Variants in CDH7 observed in about 807,000 individuals in gnomAD.
The protein encoded by CDH7 is cadherin 7, also known as cadherin-7.
CDH7 carries 25 observed loss-of-function variants against 71.8 expected under a neutral mutation model. The ratio of observed to expected loss-of-function variants is 0.35; its 90% CI spans 0.25 to 0.49. The LOEUF is 0.49. Ranked by LOEUF, CDH7 falls within the 20% of genes least tolerant of loss-of-function variation. The pLI is 0.99. For synonymous variants in CDH7, 381 were observed against 363.8 expected, an observed-to-expected ratio of 1.05 and a Z score of -0.54; for missense variants, 862 against 974.6, an observed-to-expected ratio of 0.88 and a Z score of 1.54.
chr18:65,837,311 G>C (rs1568212108), intron 6 of CDH7, among the ~76,000 whole-genome samples: 1 of 152,168 alleles, frequency 6.6e-6, no homozygotes, highest in Non-Finnish European at 1.5e-5. Flanking sequence ...AAAGCAAAGG[G>C]CTGCAGAGTT....
chr18:65,769,279 A>G (rs1481407797), intron 2 of CDH7, among the ~76,000 whole-genome samples: 1 of 152,200 alleles, frequency 6.6e-6, no homozygotes, highest in Non-Finnish European at 1.5e-5. Context: ...CTATACTGAG[A>G]GAAGCTTTAT....
In CDH7 at chr18:65,883,894, T is replaced by C. The variant is rs936158397; in HGVS notation, c.*3000T>C. The C allele has an allele frequency of 7.9e-5, 12 of 152,118 alleles. No homozygotes were observed. The highest frequency in any genetic ancestry group is 2.9e-4 in the African/African-American group (12 of 41,446). The allele number at this position is 152,118 out of a possible 1,614,324, so 9.4% of individuals were successfully genotyped here. A position where few individuals can be genotyped will look rare whatever the true frequency, so the allele number is the denominator to read the frequency against. ...GAAGTGAAATCCTTGGAGCTACTTG[T>C]AGACAGGGAGAGGAGTCACTTCTTT... On this transcript the variant is annotated 3_prime_UTR_variant, in exon 12 of 12. Transcript: ENST00000397968.
At chr18:65,850,229 A>G (rs1184415837) in intron 7 of CDH7, among the ~76,000 whole-genome samples, 5 of 149,170 alleles carry the variant, frequency 3.4e-5, no homozygotes, top group African/African-American at 1.2e-4. Flanking sequence ...ATAAAGGAAT[A>G]CAAAAATTCA....
intron 2 of CDH7, among the ~76,000 whole-genome samples, chr18:65,802,537 T>G (rs956163819): frequency 2.0e-5 from 3 of 152,208 alleles, no homozygotes; most frequent in Non-Finnish European, 4.4e-5. Context: ...AGTTCTTCTT[T>G]TGATAAAGAG....
chr18:65,876,825 C>G (rs555726496), intron 11 of CDH7, among the ~76,000 whole-genome samples: 3 of 152,318 alleles, frequency 2.0e-5, no homozygotes, highest in Non-Finnish European at 4.4e-5. Flanking sequence ...ATACCTAATG[C>G]ATATAATAAA....
At chr18:65,862,433 TTATAAC>T (rs1913597197) in intron 10 of CDH7, among the ~76,000 whole-genome samples, 1 of 152,210 alleles carries the variant, frequency 6.6e-6, no homozygotes, top group Admixed American at 6.5e-5. Context: ...TTGTTTTACT[TTATAAC>T]TATTTCTTTT....
At chr18:65,777,785 G>A (rs1392598568) in intron 2 of CDH7, among the ~76,000 whole-genome samples, 1 of 152,100 alleles carries the variant, frequency 6.6e-6, no homozygotes. Context: ...GTTTGTTGCA[G>A]TGTCTCCTTA....
intron 2 of CDH7, among the ~76,000 whole-genome samples, chr18:65,772,328 A>T (rs1320212950): frequency 2.0e-5 from 3 of 152,196 alleles, no homozygotes; most frequent in Non-Finnish European, 4.4e-5. Context: ...AAGAAATAAG[A>T]TAAAAATCGG....
In CDH7 at chr18:65,858,938, A is replaced by G; in HGVS notation, c.1386A>G (p.Gln462=). 1 of 1,612,282 alleles carries G rather than the reference A, an allele frequency of 6.2e-7. No homozygotes were observed. Among genetic ancestry groups the G allele is most frequent in the South Asian group, 1.1e-5 (1 of 91,042 alleles). ...CTTATTTATTAGAGAATCCATCTCA[A>G]GTAGGAAGAGGCTATGTGGCCATCA... ...VLAMESQNPS[Q]VGRGYVAITI... is the part of the protein sequence containing the mutation. Residue 462 remains glutamine, a synonymous_variant, in exon 9 of 12, where the codon CAA becomes CAG. Transcript: ENST00000397968.
intron 1 of CDH7, among the ~76,000 whole-genome samples, chr18:65,762,078 A>T (rs1234733696): frequency 6.6e-6 from 1 of 152,208 alleles, no homozygotes; most frequent in Non-Finnish European, 1.5e-5. Flanking sequence ...TCAGCTGACC[A>T]CAATCAAATC....
rs1914341625 is a variant in CDH7, at chr18:65,885,370, G to GTGTTTTTTTTCTTTT, written c.*4486_*4487insCTTTTTGTTTTTTTT. The GTGTTTTTTTTCTTTT allele has an allele frequency of 9.4e-5, 2 of 21,330 alleles. 1 individual carries two copies. The highest frequency in any genetic ancestry group is 4.3e-4 in the Non-Finnish European group (2 of 4,614). 1.3% of individuals were successfully genotyped at this position (21,330 alleles called of 1,614,324 possible). A position where few individuals can be genotyped will look rare whatever the true frequency, so the allele number is the denominator to read the frequency against. ...ATGTAACTGAAAAGGATGTGTGCCT[G>GTGTTTTTTTTCTTTT]TGTTTTTTTTTTTTTTTTTTTTTTT... On this transcript the variant is annotated 3_prime_UTR_variant, in exon 12 of 12. Transcript: ENST00000397968.
chr18:65,798,911 C>T (rs1599014032), intron 2 of CDH7, among the ~76,000 whole-genome samples: 1 of 152,004 alleles, frequency 6.6e-6, no homozygotes, highest in Non-Finnish European at 1.5e-5. Context: ...CGTGACGTGC[C>T]CTAGAGTCAG....
At position 65,763,179 on chromosome 18, in the gene CDH7, C is replaced by A. The variant is rs1169549924; in HGVS notation, c.210+127C>A. On this transcript the variant is annotated intron_variant, in intron 2 of 11. Coordinates refer to ENST00000397968, the MANE Select transcript of CDH7 (RefSeq NM_004361.5). ...GGATGGTAAACACAAGACATCATTT[C>A]TATGAAAGAGTTTATGAAGGTTTTT... 4 of 507,408 alleles carry A rather than the reference C, an allele frequency of 7.9e-6. No homozygotes were observed. In the African/African-American group the frequency reaches 8.0e-5, roughly 10 times the overall value. 31.4% of individuals were successfully genotyped at this position (507,408 alleles called of 1,614,324 possible). A position where few individuals can be genotyped will look rare whatever the true frequency, so the allele number is the denominator to read the frequency against.
chr18:65,793,990 T>C (rs1363569799), intron 2 of CDH7, among the ~76,000 whole-genome samples: 2 of 152,224 alleles, frequency 1.3e-5, no homozygotes, highest in South Asian at 4.2e-4. Flanking sequence ...TTGCAAAGCC[T>C]GGTGCATTCC....
At chr18:65,793,308 G>C (rs1260000806) in intron 2 of CDH7, among the ~76,000 whole-genome samples, 1 of 151,334 alleles carries the variant, frequency 6.6e-6, no homozygotes, top group African/African-American at 2.4e-5. Context: ...TGTCACGTGT[G>C]TGTCATTTCA....
rs762166617 is a variant in CDH7, at chr18:65,880,422, C to G, written c.1886C>G (p.Thr629Ser). Reference protein sequence around the residue: ...TLLVLILLIVTMRRRKKEPLI... With the variant: ...TLLVLILLIVSMRRRKKEPLI... ...TCAGTGTTGATCCTCCTTATCGTCA[C>G]TATGAGAAGACGGAAAAAAGAGCCC... Residue 629 changes from threonine to serine, a missense_variant, in exon 12 of 12, where the codon ACT becomes AGT. Physicochemically the swap from Thr to Ser is moderately conservative, Grantham distance 58. Coordinates refer to ENST00000397968, the MANE Select transcript of CDH7 (RefSeq NM_004361.5). 7.1e-6 allele frequency: 11 copies of G among 1,550,236 alleles called. No homozygotes were observed. The African/African-American group carries it at 1.4e-4, about 20-fold the overall frequency.
intron 1 of CDH7, among the ~76,000 whole-genome samples, chr18:65,757,778 C>CAT (rs34101205): frequency 0.23 from 32,915 of 141,916 alleles, 3,717 homozygotes; most frequent in South Asian, 0.37. Flanking sequence ...ACTGTATATC[C>CAT]ATATATATAT....
intron 2 of CDH7, among the ~76,000 whole-genome samples, chr18:65,802,733 G>C (rs534762871): frequency 6.6e-6 from 1 of 152,332 alleles, no homozygotes; most frequent in East Asian, 1.9e-4. Flanking sequence ...ACTGTAGGCA[G>C]ATTTCTTAAG....
intron 2 of CDH7, among the ~76,000 whole-genome samples, chr18:65,794,363 G>A (rs1910829457): frequency 6.6e-6 from 1 of 152,020 alleles, no homozygotes; most frequent in African/African-American, 2.4e-5. Flanking sequence ...GTAATACTAT[G>A]GATTAGAGAT....
Sources: gnomAD v4.1 joint callset for allele counts (sites outside exome capture counted in the v4.1 genomes callset) on GRCh38, gnomAD v4.1.1 for gene constraint, MANE v1.5 for transcripts, NCBI Gene and HGNC (gene_info 2026-07-23, HGNC 2026-07-21) for gene names.